The following YEATS2 variants were observed in gnomAD, a reference collection of about 807,000 sequenced individuals.
YEATS2 encodes the protein YEATS domain-containing protein 2.
In YEATS2, 77 loss-of-function variants were observed where a neutral mutation model predicts 163.2. That is an observed-to-expected ratio of 0.47 (90% CI 0.39 to 0.57). The LOEUF (loss-of-function observed/expected upper bound fraction) is 0.57. Among genes scored for constraint, YEATS2 ranks in the 20% least tolerant of loss-of-function variants. YEATS2 has a pLI of 0.00. For synonymous variants in YEATS2, 631 were observed against 645.1 expected (o/e 0.98, Z 0.33); for missense variants, 1,549 against 1,729.8 (o/e 0.90, Z 1.85).
At chr3:183,796,070 C>A (rs1299032820) in intron 21 of YEATS2, among the ~76,000 whole-genome samples, 1 of 150,716 alleles carries the variant, frequency 6.6e-6, no homozygotes, top group African/African-American at 2.4e-5. Flanking sequence ...GAAACCTCCG[C>A]CTCCCGAGTT....
rs748017835 is a variant in YEATS2 at position 183,700,598 on chromosome 3, CT to C, written c.-20+2623del. Among the ~76,000 whole-genome samples the C allele has an allele frequency of 9.3e-3, 1,177 of 126,592 alleles. 6 individuals carry two copies. The highest frequency in any genetic ancestry group is 0.032 in the African/African-American group (1,041 of 32,480). The allele number at this position is 126,592 out of a possible 152,430, so 83.0% of individuals were successfully genotyped here. On this transcript the variant is annotated intron_variant, in intron 1 of 30. Coordinates refer to ENST00000305135, the MANE Select transcript of YEATS2 (RefSeq NM_018023.5). Reference sequence around the variant, plus strand: ...TTTTTCTTTTTCTTTTCTTTTCTTTCTTTTTTTTTTTTTTTTTTGAGACAGA... The same window carrying C: ...TTTTTCTTTTTCTTTTCTTTTCTTTCTTTTTTTTTTTTTTTTTGAGACAGA...
intron 5 of YEATS2, 88 bp downstream of exon 5, chr3:183,722,224 C>A: frequency 7.4e-7 from 1 of 1,356,618 alleles, no homozygotes; most frequent in Non-Finnish European, 9.8e-7. Context: ...ACTGAACTGT[C>A]ACAGGAATCT....
At chr3:183,748,347 G>A (rs1333830502) in intron 9 of YEATS2, among the ~76,000 whole-genome samples, 1 of 150,950 alleles carries the variant, frequency 6.6e-6, no homozygotes, top group Admixed American at 6.6e-5. Context: ...CTCCTCCTGG[G>A]TTCAAGCGAT....
chr3:183,785,931 G>T (rs1332217106), intron 19 of YEATS2, among the ~76,000 whole-genome samples, 194 bp from the exon 20 acceptor site: 4 of 152,174 alleles, frequency 2.6e-5, no homozygotes, highest in African/African-American at 9.7e-5. Context: ...TGGGGTAAAG[G>T]GATATTTATA....
chr3:183,707,043 G>A (rs186666017), intron 1 of YEATS2, among the ~76,000 whole-genome samples: 2 of 152,278 alleles, frequency 1.3e-5, no homozygotes, highest in Non-Finnish European at 2.9e-5. Context: ...TATTTATGAA[G>A]CGTAAATGAA....
At chr3:183,704,213 G>A (rs1013052085) in intron 1 of YEATS2, among the ~76,000 whole-genome samples, 13 of 150,348 alleles carry the variant, frequency 8.6e-5, no homozygotes, top group African/African-American at 2.9e-4. Context: ...AATCCCCTTC[G>A]TTCTAGATCT....
In YEATS2 at chr3:183,752,095, G is replaced by A. The variant is rs984969063; in HGVS notation, c.992G>A (p.Arg331His). 4.3e-6 allele frequency: 7 copies of A among 1,614,004 alleles called. No homozygotes were observed. The highest frequency in any genetic ancestry group is 4.0e-5 in the African/African-American group (3 of 74,978). The change falls in exon 10 of 31, where the codon CGC (arginine) becomes CAC (histidine). Residue 331 changes from arginine to histidine, a missense_variant. Arg to His is a conservative substitution (Grantham distance 29). Coordinates refer to ENST00000305135, the MANE Select transcript of YEATS2 (RefSeq NM_018023.5). Reference protein sequence around the residue: ...AETVVDVELHRHSLGEDCIYP... With the variant: ...AETVVDVELHHHSLGEDCIYP... ...TAGGTAGTGGATGTTGAACTCCATC[G>A]CCATTCTCTCGGAGAAGACTGTATC...
intron 12 of YEATS2, among the ~76,000 whole-genome samples, chr3:183,758,366 A>AAATAATAAT (rs57751429): frequency 6.6e-6 from 1 of 151,182 alleles, no homozygotes; most frequent in Non-Finnish European, 1.5e-5. Context: ...CAGGAAAAAA[A>AAATAATAAT]AATAATAATG....
intron 6 of YEATS2, among the ~76,000 whole-genome samples, chr3:183,727,208 C>T (rs567480894): frequency 5.3e-5 from 8 of 151,234 alleles, no homozygotes; most frequent in South Asian, 2.1e-4. Context: ...ACAAACCTGG[C>T]GAAATTAATT....
chr3:183,723,576 T>C (rs1310990668), intron 5 of YEATS2, among the ~76,000 whole-genome samples: 2 of 152,242 alleles, frequency 1.3e-5, no homozygotes, highest in Non-Finnish European at 2.9e-5. Flanking sequence ...TCCAGTATTA[T>C]TCCTGAGCAA....
At chr3:183,725,521 C>T (rs566016710) in intron 6 of YEATS2, among the ~76,000 whole-genome samples, 11 of 152,264 alleles carry the variant, frequency 7.2e-5, no homozygotes, top group East Asian at 3.9e-4. Context: ...ACAATCCTGG[C>T]GGAAGGCAAG....
At chr3:183,715,890 C>G (rs1267599908) in intron 2 of YEATS2, among the ~76,000 whole-genome samples, 2 of 152,170 alleles carry the variant, frequency 1.3e-5, no homozygotes, top group Non-Finnish European at 2.9e-5. Context: ...AGCAAATCAT[C>G]AACTGGGTGT....
At position 183,724,415 on chromosome 3, in the gene YEATS2, TCAGGATAC is replaced by T; in HGVS notation, c.538-3_542del. On this transcript the variant is annotated splice_acceptor_variant and splice_polypyrimidine_tract_variant and coding_sequence_variant and intron_variant, in exon 6 of 31. Coordinates refer to ENST00000305135, the MANE Select transcript of YEATS2 (RefSeq NM_018023.5). LOFTEE classifies it high-confidence loss of function. ...GAATGGATGTTGATTATGATTTTTT[TCAGGATAC>T]TTCTAGAATTACTGGCTCCCATAAA... 6.2e-7 allele frequency: 1 copy of T among 1,605,262 alleles called. No individual in the cohort carries two copies. Among genetic ancestry groups the T allele is most frequent in the Non-Finnish European group, 8.5e-7 (1 of 1,174,788 alleles).
chr3:183,782,485 G>A (rs1316682965), intron 19 of YEATS2, among the ~76,000 whole-genome samples: 6 of 151,740 alleles, frequency 4.0e-5, no homozygotes, highest in Admixed American at 6.6e-5. Context: ...GTACAATGGC[G>A]TGATCTCAGC....
chr3:183,805,379 A>G (rs921451333), intron 27 of YEATS2, among the ~76,000 whole-genome samples: 1 of 152,092 alleles, frequency 6.6e-6, no homozygotes. Flanking sequence ...CAGCCTGGGC[A>G]ACAGAGCCAG....
chr3:183,778,111 C>CAAAAAAAAAAAA (rs569250141), intron 19 of YEATS2, among the ~76,000 whole-genome samples: 2 of 56,370 alleles, frequency 3.5e-5, no homozygotes, highest in Non-Finnish European at 7.2e-5. Context: ...GATTCTGTCT[C>CAAAAAAAAAAAA]AAAAAAAAAA....
At chr3:183,708,388 G>A (rs1369587038) in intron 1 of YEATS2, among the ~76,000 whole-genome samples, 1 of 152,008 alleles carries the variant, frequency 6.6e-6, no homozygotes, top group Admixed American at 6.6e-5. Flanking sequence ...CTTATATGAT[G>A]TGTTTGCAAA....
chr3:183,807,305 G>A (rs1406874803), intron 28 of YEATS2: 3 of 545,630 alleles, frequency 5.5e-6, no homozygotes, highest in Non-Finnish European at 9.8e-6. Flanking sequence ...AGAGCCCTTG[G>A]GCAGAAATGC....
intron 1 of YEATS2, among the ~76,000 whole-genome samples, chr3:183,706,522 G>T (rs547600847): frequency 6.6e-6 from 1 of 152,182 alleles, no homozygotes; most frequent in East Asian, 1.9e-4. Context: ...TTTTGCAATT[G>T]GATATACATA....
Sources: allele counts gnomAD v4.1 joint callset (sites outside exome capture counted in the v4.1 genomes callset), GRCh38; gene constraint gnomAD v4.1.1; transcripts MANE v1.5; gene names NCBI Gene and HGNC (gene_info 2026-07-23, HGNC 2026-07-21).